CCL28: variants seen among roughly 807,000 people sequenced by gnomAD.
CCL28 encodes C-C motif chemokine 28.
Under a neutral mutation model 7.1 loss-of-function variants are expected in CCL28, and 4 were observed. The observed-to-expected ratio is 0.56, with a 90% CI of 0.28 to 1.29. CCL28 has a LOEUF of 1.29. Ranked by LOEUF, CCL28 falls within the 50% of genes most tolerant of loss-of-function variation. CCL28 has a pLI of 0.11. For missense variants in CCL28, 151 were observed against 163.4 expected, an observed-to-expected ratio of 0.92 and a Z score of 0.41; for synonymous variants, 55 against 57.8, an observed-to-expected ratio of 0.95 and a Z score of 0.22.
chr5:43,365,902 T>C, the CCL28 span, among the ~76,000 whole-genome samples: 1 of 152,228 alleles, frequency 6.6e-6, no homozygotes, highest in African/African-American at 2.4e-5. Context: ...CTTTATTTCA[T>C]TGAGTTGATC....
intron 2 of CCL28, among the ~76,000 whole-genome samples, chr5:43,383,415 C>T (rs1740201454): frequency 6.6e-6 from 1 of 152,064 alleles, no homozygotes; most frequent in Non-Finnish European, 1.5e-5. Context: ...TCTTTTTCAG[C>T]TAATGTAGGG....
At chr5:43,396,005 G>A (rs1193956439) in intron 1 of CCL28, among the ~76,000 whole-genome samples, 2 of 151,740 alleles carry the variant, frequency 1.3e-5, no homozygotes, top group Non-Finnish European at 2.9e-5. Context: ...CCCAGTAGCT[G>A]GTACTACAGA....
At chr5:43,367,082 C>G in the CCL28 span, among the ~76,000 whole-genome samples, 1 of 152,238 alleles carries the variant, frequency 6.6e-6, no homozygotes, top group African/African-American at 2.4e-5. Context: ...CACCCCTCCT[C>G]CCACCAAGCT....
chr5:43,392,564 A>G (rs1321315936), intron 1 of CCL28, among the ~76,000 whole-genome samples: 2 of 152,250 alleles, frequency 1.3e-5, no homozygotes, highest in Admixed American at 1.3e-4. Context: ...ATTTCATACC[A>G]GCAAATTGCT....
At chr5:43,371,689 T>C (rs1452845594), downstream of CCL28, among the ~76,000 whole-genome samples, 1 of 152,228 alleles carries the variant, frequency 6.6e-6, no homozygotes, top group African/African-American at 2.4e-5. Flanking sequence ...TGAGAGAGCC[T>C]GAGCCAAAAC....
At chr5:43,411,587 GGAGTGCAGTGGCAATTCA>G (rs1253885160) in intron 1 of CCL28, among the ~76,000 whole-genome samples, 4 of 151,866 alleles carry the variant, frequency 2.6e-5, no homozygotes, top group Admixed American at 6.6e-5. Flanking sequence ...TGCCCAAGCT[GGAGTGCAGTGGCAATTCA>G]GAGTGCAGTG....
intron 1 of CCL28, among the ~76,000 whole-genome samples, chr5:43,399,036 C>T (rs1740928653): frequency 6.6e-6 from 1 of 152,182 alleles, no homozygotes; most frequent in South Asian, 2.1e-4. Context: ...CCCAAATATT[C>T]TGATGTGTAT....
downstream of CCL28, among the ~76,000 whole-genome samples, chr5:43,375,546 T>G (rs953226890): frequency 6.6e-6 from 1 of 150,792 alleles, no homozygotes; most frequent in Non-Finnish European, 1.5e-5. Flanking sequence ...GCAGACATTT[T>G]GAACTCATTT....
At chr5:43,388,497 A>C (rs1157490202) in intron 1 of CCL28, 21 bp from the exon 2 acceptor site, 9 of 1,611,498 alleles carry the variant, frequency 5.6e-6, no homozygotes, top group Non-Finnish European at 7.6e-6. Flanking sequence ...AAAAGAAAGA[A>C]AATGTTAAAT....
At position 43,389,163 on chromosome 5, in the gene CCL28, G is replaced by A. The variant is rs947111424; in HGVS notation, c.65-687C>T. 3.9e-5 allele frequency among the ~76,000 whole-genome samples: 6 copies of A among 152,200 alleles called. No homozygotes were observed. The South Asian group carries it at 8.3e-4, about 21-fold the overall frequency. On this transcript the variant is annotated intron_variant, in intron 1 of 2. Transcript: ENST00000361115. ...TGAAAGGAGGGGACACGGAGTGACT[G>A]TGAACAGGTACAAGATCTCTTTTTG...
rs186293091 is a variant in CCL28 at position 43,408,074 on chromosome 5, C to T, written c.64+4179G>A. On this transcript the variant is annotated intron_variant, in intron 1 of 2. Coordinates refer to ENST00000361115, the MANE Select transcript of CCL28 (RefSeq NM_148672.3). ...AAACTAGTTCAACAATTGTGGAAGA[C>T]AGTGTGGTGATTTCTCAAGGATCTA... Among the ~76,000 whole-genome samples the T allele has an allele frequency of 2.6e-3, 398 of 152,346 alleles. 2 individuals are homozygous for T. Among genetic ancestry groups the T allele is most frequent in the African/African-American group, 9.1e-3 (379 of 41,572 alleles).
intron 1 of CCL28, among the ~76,000 whole-genome samples, chr5:43,390,191 G>A (rs867378629): frequency 5.9e-5 from 9 of 152,124 alleles, no homozygotes; most frequent in Admixed American, 1.3e-4. Context: ...ATAAGAGGTC[G>A]GGGAGGCCAA....
rs1053106422 is a variant in CCL28, at chr5:43,404,393, A to G, written c.64+7860T>C. Among the ~76,000 whole-genome samples the G allele has an allele frequency of 7.9e-5, 12 of 152,214 alleles. No individual in the cohort carries two copies. The South Asian group carries it at 2.5e-3, about 32-fold the overall frequency. The stretch of plus-strand genomic sequence containing the variant: ...AAAAGAATTTTCAACTCAGAATCTC[A>G]TATCCACCCAAACTAAGCTTCATAA... On this transcript the variant is annotated intron_variant, in intron 1 of 2. Coordinates refer to ENST00000361115, the MANE Select transcript of CCL28 (RefSeq NM_148672.3).
At chr5:43,405,516 T>C (rs1002533392) in intron 1 of CCL28, among the ~76,000 whole-genome samples, 1 of 152,206 alleles carries the variant, frequency 6.6e-6, no homozygotes, top group Non-Finnish European at 1.5e-5. Context: ...GGGAAATTTA[T>C]AGCACTACAT....
At chr5:43,386,530 A>C (rs558337737) in intron 2 of CCL28, among the ~76,000 whole-genome samples, 17 of 152,304 alleles carry the variant, frequency 1.1e-4, no homozygotes, top group African/African-American at 4.1e-4. Flanking sequence ...GCTTAATACA[A>C]GTTTGAATCA....
At chr5:43,367,175 G>A in the CCL28 span, among the ~76,000 whole-genome samples, 1 of 152,198 alleles carries the variant, frequency 6.6e-6, no homozygotes, top group Non-Finnish European at 1.5e-5. Flanking sequence ...GGGCTCTGTG[G>A]GGGTGGATCT....
downstream of CCL28, among the ~76,000 whole-genome samples, chr5:43,374,689 G>C (rs552453832): frequency 4.6e-4 from 69 of 151,340 alleles, 1 homozygote; most frequent in African/African-American, 1.6e-3. Context: ...GCTGAGGCAG[G>C]AGAATCGCTT....
the CCL28 span, among the ~76,000 whole-genome samples, chr5:43,367,430 C>T: frequency 1.9e-3 from 283 of 152,278 alleles, 1 homozygote; most frequent in African/African-American, 6.2e-3. Flanking sequence ...GTATCTGGGC[C>T]GGAGTGCACT....
rs1740100857 is a variant in CCL28 at position 43,381,275 on chromosome 5, ATTC to A, written c.*582_*584del. The stretch of plus-strand genomic sequence containing the variant: ...AAGATATATAGATGTTCATTGTACC[ATTC>A]TTTTAACTTCTCTGTAAGTTTGGAA... On this transcript the variant is annotated 3_prime_UTR_variant, in exon 3 of 3. Coordinates refer to ENST00000361115, the MANE Select transcript of CCL28 (RefSeq NM_148672.3). 1 of 152,214 alleles carries A rather than the reference ATTC, an allele frequency of 6.6e-6. No homozygotes were observed. The highest frequency in any genetic ancestry group is 2.4e-5 in the African/African-American group (1 of 41,444). 9.4% of individuals were successfully genotyped at this position (152,214 alleles called of 1,614,324 possible). A position where few individuals can be genotyped will look rare whatever the true frequency, so the allele number is the denominator to read the frequency against.
Sources: allele counts gnomAD v4.1 joint callset (sites outside exome capture counted in the v4.1 genomes callset), GRCh38; gene constraint gnomAD v4.1.1; transcripts MANE v1.5; gene names NCBI Gene and HGNC (gene_info 2026-07-23, HGNC 2026-07-21).